The following EDEM3 variants were observed in gnomAD, a reference collection of about 807,000 sequenced individuals.
The protein encoded by EDEM3 is ER degradation enhancing alpha-mannosidase like protein 3, also known as ER degradation-enhancing alpha-mannosidase-like protein 3.
EDEM3 carries 60 observed loss-of-function variants against 110.2 expected under a neutral mutation model. The ratio of observed to expected loss-of-function variants is 0.54; its 90% CI spans 0.44 to 0.67. EDEM3 has a LOEUF of 0.67. EDEM3 is among the 30% of genes least tolerant of loss of function. EDEM3 has a pLI of 0.00. For missense variants in EDEM3, 996 were observed against 1,121.0 expected (o/e 0.89, Z 1.59); for synonymous variants, 352 against 382.9 (o/e 0.92, Z 0.94).
At chr1:184,703,146 T>C (rs1317600216) in intron 18 of EDEM3, 150 bp from the exon 19 acceptor site, 3 of 646,790 alleles carry the variant, frequency 4.6e-6, no homozygotes, top group East Asian at 6.3e-5. Flanking sequence ...CCATTAATTC[T>C]CATAGAAACG....
At chr1:184,754,215 C>T (rs1209077520) in intron 1 of EDEM3, among the ~76,000 whole-genome samples, 1 of 152,224 alleles carries the variant, frequency 6.6e-6, no homozygotes, top group African/African-American at 2.4e-5. Context: ...GGGCCACTGA[C>T]ATGGCAGCCG....
At position 184,716,885 on chromosome 1, in the gene EDEM3, T is replaced by C. The variant is rs772692502; in HGVS notation, c.1370+3A>G. The C allele has an allele frequency of 1.2e-6, 2 of 1,613,000 alleles. No individual in the cohort carries two copies. The highest frequency in any genetic ancestry group is 2.2e-5 in the South Asian group (2 of 91,000). On this transcript the variant is annotated splice_donor_region_variant and intron_variant, in intron 13 of 19. Transcript: ENST00000318130. ...GGAAAGAGGATGTTAGCAATTGTTT[T>C]ACCTGTCCTCATGACTTCCAGTACG... is the stretch of plus-strand genomic sequence containing the variant.
chr1:184,741,588 A>C (rs1652143835), intron 2 of EDEM3, among the ~76,000 whole-genome samples: 1 of 152,152 alleles, frequency 6.6e-6, no homozygotes, highest in South Asian at 2.1e-4. Context: ...TAACATCTAC[A>C]TTCTGGTCTG....
chr1:184,712,471 G>C lies in EDEM3; in HGVS notation c.1498C>G (p.Leu500Val). 6.2e-7 allele frequency: 1 copy of C among 1,603,916 alleles called. No homozygotes were observed. Among genetic ancestry groups the C allele is most frequent in the Non-Finnish European group, 8.5e-7 (1 of 1,177,118 alleles). Residue 500 changes from leucine to valine, a missense_variant, in exon 14 of 20, where the codon CTC becomes GTC. Physicochemically the swap from Leu to Val is conservative, Grantham distance 32. Transcript: ENST00000318130. ...GAGATGCTTTGATTTGTAGTAGAGA[G>C]CCAAAGAGGTAACAGATGAGCTTCT... ...TTEAHLLPLWLSTTNQSISKK... is the reference protein window; with the variant it reads ...TTEAHLLPLWVSTTNQSISKK...
intron 5 of EDEM3, among the ~76,000 whole-genome samples, chr1:184,733,524 A>G (rs1206544232): frequency 6.6e-6 from 1 of 152,166 alleles, no homozygotes. Flanking sequence ...TAAATCCTGT[A>G]ATTTCATCTT....
intron 7 of EDEM3, 69 bp from the exon 8 acceptor site, chr1:184,723,925 G>C: frequency 8.5e-7 from 1 of 1,176,318 alleles, no homozygotes; most frequent in Non-Finnish European, 1.2e-6. Context: ...TTGGCAAATA[G>C]GAAACTAACA....
intron 19 of EDEM3, among the ~76,000 whole-genome samples, chr1:184,699,967 G>A (rs902714346): frequency 2.1e-4 from 32 of 151,864 alleles, no homozygotes; most frequent in African/African-American, 6.8e-4. Flanking sequence ...TTGTTTGTGG[G>A]CACACGGTTG....
chr1:184,740,695 C>T (rs528814185), intron 2 of EDEM3, among the ~76,000 whole-genome samples: 15 of 152,180 alleles, frequency 9.9e-5, no homozygotes, highest in East Asian at 9.6e-4. Flanking sequence ...GGTGACAACA[C>T]GAAGTGAAAT....
intron 2 of EDEM3, among the ~76,000 whole-genome samples, chr1:184,743,712 A>C (rs1652264487): frequency 6.6e-6 from 1 of 152,166 alleles, no homozygotes; most frequent in South Asian, 2.1e-4. Flanking sequence ...AATAATCAGG[A>C]CAATGTGATA....
At chr1:184,724,222 G>T (rs1357865309) in intron 7 of EDEM3, among the ~76,000 whole-genome samples, 1 of 151,876 alleles carries the variant, frequency 6.6e-6, no homozygotes, top group Non-Finnish European at 1.5e-5. Flanking sequence ...TGATATACTT[G>T]TTAAAGTAAT....
intron 2 of EDEM3, among the ~76,000 whole-genome samples, chr1:184,743,747 C>T (rs1039621931): frequency 6.6e-6 from 1 of 151,944 alleles, no homozygotes; most frequent in African/African-American, 2.4e-5. Context: ...GATAGATCAA[C>T]AAAACAAAAT....
intron 4 of EDEM3, among the ~76,000 whole-genome samples, chr1:184,735,694 A>C (rs758632894): frequency 1.4e-4 from 22 of 152,206 alleles, no homozygotes; most frequent in Admixed American, 2.6e-4. Context: ...ATGAAACCTG[A>C]TTTTAAACTG....
Position 184,726,353 on chromosome 1 carries a change from G to C in EDEM3, c.649C>G (p.Arg217Gly), listed in dbSNP as rs200009814. 1.2e-6 allele frequency: 2 copies of C among 1,613,382 alleles called. No individual in the cohort carries two copies. The highest frequency in any genetic ancestry group is 4.5e-5 in the East Asian group (2 of 44,820). The change falls in exon 7 of 20, where the codon CGG (arginine) becomes GGG (glycine). Residue 217 changes from arginine (R) to glycine (G), a missense_variant. Around this residue, in one of 5 missense-constraint regions of EDEM3, gnomAD observed 310 missense variants for 394.6 expected, o/e 0.79. Transcript: ENST00000318130. ...LKFGIRKPEA[R>G]TGTETDTCTA... ...CAGGTATCTGTCTCAGTTCCTGTCCGAGCTTCTGGTTTTCTGATGCCAAAC... is the reference window on the plus strand; with the variant it reads ...CAGGTATCTGTCTCAGTTCCTGTCCCAGCTTCTGGTTTTCTGATGCCAAAC...
chr1:184,721,494 T>C (rs893165228), intron 8 of EDEM3, 108 bp from the exon 9 acceptor site: 3 of 682,610 alleles, frequency 4.4e-6, no homozygotes, highest in Admixed American at 3.4e-5. Context: ...TGTGCATATA[T>C]ATGACTACAC....
intron 6 of EDEM3, among the ~76,000 whole-genome samples, chr1:184,728,226 A>G (rs1651298628): frequency 6.6e-6 from 1 of 152,230 alleles, no homozygotes; most frequent in African/African-American, 2.4e-5. Context: ...CTGACAATGA[A>G]AAGTCATAAA....
In EDEM3 at chr1:184,754,688, G is replaced by A. The variant is rs764266231; in HGVS notation, c.-42C>T. The A allele has an allele frequency of 1.9e-5, 28 of 1,495,088 alleles. No homozygotes were observed. In the African/African-American group the frequency reaches 3.3e-4, roughly 17 times the overall value. 92.6% of individuals were successfully genotyped at this position (1,495,088 alleles called of 1,614,324 possible). On this transcript the variant is annotated 5_prime_UTR_variant, in exon 1 of 20. Transcript: ENST00000318130. The stretch of plus-strand genomic sequence containing the variant: ...GCACGCGCAGCTGCTACGCCCGGCC[G>A]GTGAGACACATTGCTGGACGCTGGT...
At chr1:184,712,057 G>C (rs1571365328) in intron 14 of EDEM3, among the ~76,000 whole-genome samples, 180 bp from the exon 15 acceptor site, 1 of 152,054 alleles carries the variant, frequency 6.6e-6, no homozygotes, top group South Asian at 2.1e-4. Context: ...CTTCCGAGTA[G>C]CTGGGACTAC....
intron 1 of EDEM3, among the ~76,000 whole-genome samples, 165 bp from the exon 2 acceptor site, chr1:184,749,757 C>T (rs1288778767): frequency 2.0e-5 from 3 of 151,926 alleles, no homozygotes; most frequent in African/African-American, 7.3e-5. Flanking sequence ...ACTACAACAG[C>T]TAGCAGACAA....
At chr1:184,749,708 G>C in intron 1 of EDEM3, 116 bp from the exon 2 acceptor site, 2 of 825,204 alleles carry the variant, frequency 2.4e-6, no homozygotes, top group South Asian at 2.1e-5. Flanking sequence ...AAAAACAAAA[G>C]AAAAATTTAG....
Sources: allele counts gnomAD v4.1 joint callset (sites outside exome capture counted in the v4.1 genomes callset), GRCh38; gene constraint gnomAD v4.1.1; regional missense constraint gnomAD v4.1.1; transcripts MANE v1.5; gene names NCBI Gene and HGNC (gene_info 2026-07-23, HGNC 2026-07-21).